Variants in TNFSF13B observed in about 807,000 individuals in gnomAD.
TNFSF13B encodes TNF superfamily member 13b, also known as tumor necrosis factor ligand superfamily member 13B.
In TNFSF13B, 8 loss-of-function variants were observed where a neutral mutation model predicts 29.1. The observed-to-expected ratio is 0.27, with a 90% CI of 0.16 to 0.50. The LOEUF (loss-of-function observed/expected upper bound fraction) is 0.50. Ranked by LOEUF, TNFSF13B falls within the 20% of genes least tolerant of loss-of-function variation. The pLI is 0.98. For synonymous variants in TNFSF13B, 125 were observed against 130.8 expected (o/e 0.96, Z 0.30); for missense variants, 248 against 334.9 (o/e 0.74, Z 2.03).
At position 108,269,725 on chromosome 13, in the gene TNFSF13B, G is replaced by C; in HGVS notation, c.-171G>C. On this transcript the variant is annotated 5_prime_UTR_variant, in exon 1 of 6. Transcript: ENST00000375887. ...GCAAACCTACTGTACAGTAGGGGTA[G>C]AGATGCAGAAAGGCAGAAAGGAGAA... 6 of 628,622 alleles carry C rather than the reference G, an allele frequency of 9.5e-6. No individual in the cohort carries two copies. The highest frequency in any genetic ancestry group is 2.9e-5 in the Admixed American group (1 of 33,932). The allele number at this position is 628,622 out of a possible 1,614,324, so 38.9% of individuals were successfully genotyped here. A position where few individuals can be genotyped will look rare whatever the true frequency, so the allele number is the denominator to read the frequency against.
In TNFSF13B at chr13:108,288,101, G is replaced by A. The variant is rs139882647; in HGVS notation, c.481+1242G>A. 2.1e-3 allele frequency among the ~76,000 whole-genome samples: 320 copies of A among 152,204 alleles called. 13 individuals carry two copies. The East Asian group carries it at 0.055, about 26-fold the overall frequency. On this transcript the variant is annotated intron_variant, in intron 3 of 5. Coordinates refer to ENST00000375887, the MANE Select transcript of TNFSF13B (RefSeq NM_006573.5). ...TTCATCCAGTTTTTCACAAATTTTT[G>A]TGACTATGCTGCTTTATCATGTATC...
intron 2 of TNFSF13B, among the ~76,000 whole-genome samples, chr13:108,280,034 G>A (rs535504687): frequency 6.1e-5 from 9 of 148,756 alleles, no homozygotes; most frequent in Non-Finnish European, 1.2e-4. Flanking sequence ...TCTTCCACTG[G>A]ATTGTAAACT....
At chr13:108,292,514 C>T (rs1379441609) in intron 3 of TNFSF13B, among the ~76,000 whole-genome samples, 1 of 152,040 alleles carries the variant, frequency 6.6e-6, no homozygotes, top group African/African-American at 2.4e-5. Flanking sequence ...TCAACCTGTT[C>T]TCTACAGTGC....
At chr13:108,290,679 C>G (rs919818508) in intron 3 of TNFSF13B, among the ~76,000 whole-genome samples, 1 of 151,916 alleles carries the variant, frequency 6.6e-6, no homozygotes, top group Non-Finnish European at 1.5e-5. Flanking sequence ...CCTTATATCT[C>G]AAGCAGATTA....
intron 2 of TNFSF13B, among the ~76,000 whole-genome samples, chr13:108,278,625 T>TCCTCCCCTTCTCTTCCTCCC: frequency 1.6e-5 from 2 of 127,954 alleles, no homozygotes; most frequent in Admixed American, 8.0e-5. Flanking sequence ...CTCTTCCTCC[T>TCCTCCCCTTCTCTTCCTCCC]CCTCCCTTTC....
chr13:108,273,069 A>C (rs1880665392), intron 2 of TNFSF13B, among the ~76,000 whole-genome samples: 1 of 152,088 alleles, frequency 6.6e-6, no homozygotes. Flanking sequence ...AGTGAAAAAA[A>C]ATTTGCCCAG....
chr13:108,274,047 A>T (rs7991543), intron 2 of TNFSF13B, among the ~76,000 whole-genome samples: 88,215 of 151,986 alleles, frequency 0.58, 25,899 homozygotes, highest in South Asian at 0.66. Context: ...ATGATTTTTT[A>T]AAATAACATT....
chr13:108,286,373 T>G (rs12583240), intron 2 of TNFSF13B, among the ~76,000 whole-genome samples: 32,180 of 151,858 alleles, frequency 0.21, 4,056 homozygotes, highest in East Asian at 0.43. Flanking sequence ...TTTACTTTCA[T>G]AAGTGTCAGA....
intron 2 of TNFSF13B, among the ~76,000 whole-genome samples, chr13:108,271,593 G>T (rs184396136): frequency 2.0e-5 from 3 of 151,976 alleles, no homozygotes; most frequent in Admixed American, 2.0e-4. Context: ...TCTGGTTATT[G>T]TATCTTTATA....
chr13:108,299,679 TG>T (rs1162027036), intron 3 of TNFSF13B, among the ~76,000 whole-genome samples: 1 of 152,068 alleles, frequency 6.6e-6, no homozygotes, highest in East Asian at 1.9e-4. Flanking sequence ...GCCTCTGAAC[TG>T]GGGTATTTCT....
rs371024775 is a variant in TNFSF13B, at chr13:108,270,196, G to C, written c.301G>C (p.Gly101Arg). ...AGCAGGAGCAGGAGCCCCCAAGGCCGGCCTGGAGGAAGCTCCAGCTGTCAC... is the reference window on the plus strand; with the variant it reads ...AGCAGGAGCAGGAGCCCCCAAGGCCCGCCTGGAGGAAGCTCCAGCTGTCAC... Reference protein sequence around the residue: ...LPAGAGAPKAGLEEAPAVTAG... With the variant: ...LPAGAGAPKARLEEAPAVTAG... The change falls in exon 1 of 6, where the codon GGC becomes CGC. Residue 101 changes from glycine to arginine, a missense_variant. By Grantham distance (125) the Gly-to-Arg change is moderately radical. Transcript: ENST00000375887. The C allele has an allele frequency of 1.9e-6, 3 of 1,602,200 alleles. No individual in the cohort carries two copies. In the Admixed American group the frequency reaches 5.0e-5, roughly 27 times the overall value.
intron 2 of TNFSF13B, among the ~76,000 whole-genome samples, chr13:108,276,776 A>G (rs1880775743): frequency 6.6e-6 from 1 of 152,170 alleles, no homozygotes; most frequent in South Asian, 2.1e-4. Context: ...ATTTTTTTTA[A>G]CATTGCAGAC....
rs138902471 is a variant in TNFSF13B, at chr13:108,270,950, T to TACAC, written c.424+543_424+546dup. Reference sequence around the variant, plus strand: ...TGTTTATTTGTTAAAAAGGTTATTTTACACACACACACACACACACGCACA... The same window carrying TACAC: ...TGTTTATTTGTTAAAAAGGTTATTTTACACACACACACACACACACACACGCACA... On this transcript the variant is annotated intron_variant, in intron 2 of 5. Transcript: ENST00000375887. 9.6e-4 allele frequency among the ~76,000 whole-genome samples: 144 copies of TACAC among 150,580 alleles called. 1 individual carries two copies. The highest frequency in any genetic ancestry group is 2.2e-3 in the East Asian group (11 of 5,102).
intron 3 of TNFSF13B, among the ~76,000 whole-genome samples, chr13:108,290,335 G>A (rs1320848381): frequency 1.1e-4 from 17 of 152,042 alleles, no homozygotes; most frequent in Non-Finnish European, 1.5e-5. Flanking sequence ...CAGGTGCTTC[G>A]AAAAATAATT....
At chr13:108,283,423 G>A (rs577116657) in intron 2 of TNFSF13B, among the ~76,000 whole-genome samples, 1 of 152,218 alleles carries the variant, frequency 6.6e-6, no homozygotes, top group African/African-American at 2.4e-5. Flanking sequence ...AACAGTTCTT[G>A]AAAGAAACTT....
chr13:108,284,328 CAAAA>C (rs1255656787), intron 2 of TNFSF13B, among the ~76,000 whole-genome samples: 14 of 144,648 alleles, frequency 9.7e-5, no homozygotes, highest in Admixed American at 1.5e-4. Flanking sequence ...GACTCCGTCT[CAAAA>C]AATAAATAAA....
At chr13:108,284,367 C>T (rs1224142) in intron 2 of TNFSF13B, among the ~76,000 whole-genome samples, 34,730 of 94,880 alleles carry the variant, frequency 0.37, 5,016 homozygotes, top group African/African-American at 0.51. Context: ...AATAAATAAA[C>T]AAACAAACAA....
rs144015393 is a variant in TNFSF13B at position 108,287,327 on chromosome 13, A to G, written c.481+468A>G. Among the ~76,000 whole-genome samples, 364 of 152,304 alleles carry G rather than the reference A, an allele frequency of 2.4e-3. 7 individuals carry two copies. In the East Asian group the frequency reaches 0.034, roughly 14 times the overall value. On this transcript the variant is annotated intron_variant, in intron 3 of 5. Coordinates refer to ENST00000375887, the MANE Select transcript of TNFSF13B (RefSeq NM_006573.5). The stretch of plus-strand genomic sequence containing the variant: ...CCACTTAGAATTCAGTCCACTCCAA[A>G]TATTTGTAAGTTTCAAGTCTAAAGA...
chr13:108,278,665 C>CACT (rs1880838889), intron 2 of TNFSF13B, among the ~76,000 whole-genome samples: 1 of 51,008 alleles, frequency 2.0e-5, no homozygotes, highest in East Asian at 5.8e-4. Flanking sequence ...TCTCCTCCTC[C>CACT]TCTCCTCCTC....
Sources: allele counts gnomAD v4.1 joint callset (sites outside exome capture counted in the v4.1 genomes callset), GRCh38; gene constraint gnomAD v4.1.1; transcripts MANE v1.5; gene names NCBI Gene and HGNC (gene_info 2026-07-23, HGNC 2026-07-21).